The following PLPP3 variants were observed in gnomAD, a reference collection of about 807,000 sequenced individuals.
PLPP3 encodes the protein PAP2 beta.
A neutral mutation model predicts 29.6 loss-of-function variants in PLPP3; 6 were observed. That is an observed-to-expected ratio of 0.20 (90% CI 0.11 to 0.40). The LOEUF (loss-of-function observed/expected upper bound fraction) is 0.40. Ranked by LOEUF, PLPP3 falls within the 10% of genes least tolerant of loss-of-function variation. PLPP3 has a pLI of 1.00. For synonymous variants in PLPP3, 152 were observed against 159.7 expected (o/e 0.95, Z 0.36); for missense variants, 308 against 407.7 (o/e 0.76, Z 2.11).
At chr1:56,571,461 C>T (rs957133965) in intron 1 of PLPP3, among the ~76,000 whole-genome samples, 1 of 152,172 alleles carries the variant, frequency 6.6e-6, no homozygotes, top group African/African-American at 2.4e-5. Flanking sequence ...TCCCCTCACA[C>T]CTCTCTCCCT....
intron 1 of PLPP3, among the ~76,000 whole-genome samples, chr1:56,549,861 G>A (rs533550663): frequency 2.0e-5 from 3 of 152,326 alleles, no homozygotes; most frequent in South Asian, 4.1e-4. Flanking sequence ...AAAAATGGGC[G>A]GTGGGTTGGA....
chr1:56,577,860 G>A (rs535734703), intron 1 of PLPP3, among the ~76,000 whole-genome samples: 18 of 152,150 alleles, frequency 1.2e-4, no homozygotes, highest in African/African-American at 3.9e-4. Flanking sequence ...CACCCAGCAA[G>A]TGGCAAGAGT....
chr1:56,547,359 C>T (rs78186051), intron 1 of PLPP3, among the ~76,000 whole-genome samples: 2,125 of 152,258 alleles, frequency 0.014, 23 homozygotes, highest in East Asian at 0.021. Context: ...CTACCAAATA[C>T]ACTCTAGGAC....
intron 5 of PLPP3, among the ~76,000 whole-genome samples, chr1:56,505,683 T>A (rs1411102725): frequency 2.3e-4 from 35 of 152,226 alleles, no homozygotes; most frequent in Admixed American, 2.3e-3. Context: ...CTAGCTTACT[T>A]TATTGTAAGA....
intron 1 of PLPP3, among the ~76,000 whole-genome samples, chr1:56,551,901 G>A (rs1373670983): frequency 6.6e-6 from 1 of 152,132 alleles, no homozygotes; most frequent in Non-Finnish European, 1.5e-5. Flanking sequence ...CAAACCTGAT[G>A]CCAAGTCCTA....
intron 1 of PLPP3, among the ~76,000 whole-genome samples, chr1:56,557,012 G>GAAGGAA (rs60511169): frequency 1.1e-4 from 1 of 9,098 alleles, no homozygotes; most frequent in African/African-American, 3.1e-4. Flanking sequence ...GAAAGAAAGA[G>GAAGGAA]AGAGAGAGAG....
intron 1 of PLPP3, among the ~76,000 whole-genome samples, chr1:56,550,639 TC>T (rs1484064506): frequency 2.0e-5 from 3 of 151,998 alleles, no homozygotes; most frequent in Non-Finnish European, 4.4e-5. Context: ...ATGCCCCTCC[TC>T]CCCTTGTAAC....
At chr1:56,555,772 T>A (rs887809322) in intron 1 of PLPP3, among the ~76,000 whole-genome samples, 4 of 152,158 alleles carry the variant, frequency 2.6e-5, no homozygotes, top group South Asian at 4.1e-4. Context: ...GCCTCCCACA[T>A]CGCTGGGGAT....
In PLPP3 at chr1:56,552,177, G is replaced by C. The variant is rs185333010; in HGVS notation, c.140-15065C>G. 2.7e-3 allele frequency among the ~76,000 whole-genome samples: 411 copies of C among 150,732 alleles called. 4 individuals are homozygous for C. Among genetic ancestry groups the C allele is most frequent in the African/African-American group, 9.4e-3 (386 of 40,980 alleles). On this transcript the variant is annotated intron_variant, in intron 1 of 5. Transcript: ENST00000371250. ...AATGTAAAATTGGGGATTATCCTCTGGACAGTGATTTTCAGATTTAGCCAT... is the reference window on the plus strand; with the variant it reads ...AATGTAAAATTGGGGATTATCCTCTCGACAGTGATTTTCAGATTTAGCCAT...
intron 4 of PLPP3, among the ~76,000 whole-genome samples, chr1:56,518,262 C>T (rs1308089192): frequency 6.6e-6 from 1 of 152,150 alleles, no homozygotes. Context: ...CGTGGGCATA[C>T]CAGACCCTAG....
intron 2 of PLPP3, among the ~76,000 whole-genome samples, chr1:56,533,771 A>C (rs2100262307): frequency 1.3e-5 from 2 of 152,350 alleles, no homozygotes; most frequent in Middle Eastern, 6.8e-3. Flanking sequence ...TTTATAGAAA[A>C]GCAAAGTATA....
intron 1 of PLPP3, among the ~76,000 whole-genome samples, chr1:56,539,973 C>A (rs1242139666): frequency 3.3e-5 from 5 of 152,132 alleles, no homozygotes; most frequent in Non-Finnish European, 5.9e-5. Flanking sequence ...CATTTGCACT[C>A]CACTCTCAGA....
intron 4 of PLPP3, among the ~76,000 whole-genome samples, chr1:56,518,715 TTA>T (rs145573744): frequency 0.015 from 1,847 of 126,566 alleles, 94 homozygotes; most frequent in African/African-American, 0.048. Context: ...TTTTAATCAT[TTA>T]TATATATATA....
At chr1:56,509,611 G>A (rs1261414) in intron 5 of PLPP3, among the ~76,000 whole-genome samples, 28,902 of 151,944 alleles carry the variant, frequency 0.19, 2,973 homozygotes, top group Middle Eastern at 0.26. Context: ...AGGCTGAGGC[G>A]GGCGGATCAC....
At chr1:56,560,637 T>C (rs1161799772) in intron 1 of PLPP3, among the ~76,000 whole-genome samples, 1 of 152,156 alleles carries the variant, frequency 6.6e-6, no homozygotes, top group African/African-American at 2.4e-5. Flanking sequence ...TCTGCCCTCA[T>C]GACCTAATTA....
chr1:56,524,532 C>G lies in PLPP3; in HGVS notation c.320G>C (p.Arg107Pro), dbSNP rs1243496213. Residue 107 changes from arginine (R) to proline (P), a missense_variant, in exon 3 of 6, where the codon CGG (arginine) becomes CCG (proline). Physicochemically the swap from Arg to Pro is moderately radical, Grantham distance 103 (BLOSUM62 -2). Transcript: ENST00000371250. The surrounding 1 kb of genome is among the most constrained non-coding windows in gnomAD (Gnocchi z 4.3). ...ILAIITGEFY[R>P]IYYLKKSRST... Reference sequence around the variant, plus strand: ...CCGCGACTTCTTCAGGTAATAGATCCGGTAGAATTCCCCCGTGATGATCTA... The same window carrying G: ...CCGCGACTTCTTCAGGTAATAGATCGGGTAGAATTCCCCCGTGATGATCTA... 6.2e-7 allele frequency: 1 copy of G among 1,610,282 alleles called. No individual in the cohort carries two copies. The highest frequency in any genetic ancestry group is 1.3e-5 in the African/African-American group (1 of 74,820).
In PLPP3 at chr1:56,524,294, G is replaced by C. The variant is rs756131844; in HGVS notation, c.558C>G (p.Ser186Arg). The C allele has an allele frequency of 6.2e-7, 1 of 1,613,692 alleles. No homozygotes were observed. The highest frequency in any genetic ancestry group is 2.2e-5 in the East Asian group (1 of 44,874). ...TGTCTCACCTGGCTTCCTGGACTTT[G>C]CTGTCATCACCTCTGCATCTGTAGT... ...IQNYRCRGDD[S>R]KVQEARKSFF... Residue 186 changes from serine (S) to arginine (R), a missense_variant, in exon 3 of 6, where the codon AGC becomes AGG. Transcript: ENST00000371250. This position sits in a 1 kb window ranked among gnomAD's most constrained non-coding sequence, Gnocchi z 4.3.
chr1:56,496,325 T>G lies in PLPP3; in HGVS notation c.*226A>C. On this transcript the variant is annotated 3_prime_UTR_variant, in exon 6 of 6. Coordinates refer to ENST00000371250, the MANE Select transcript of PLPP3 (RefSeq NM_003713.5). ...CTAGAACATGAACACTTAAACCAAT[T>G]GCACATCCAGGACTCTGGCACTTGG... is the stretch of plus-strand genomic sequence containing the variant. The G allele has an allele frequency of 2.3e-6, 1 of 442,556 alleles. No homozygotes were observed. Among genetic ancestry groups the G allele is most frequent in the South Asian group, 2.5e-5 (1 of 40,288 alleles). 27.4% of individuals were successfully genotyped at this position (442,556 alleles called of 1,614,324 possible).
intron 1 of PLPP3, among the ~76,000 whole-genome samples, chr1:56,556,691 A>G (rs544006823): frequency 2.2e-4 from 33 of 151,994 alleles, no homozygotes; most frequent in African/African-American, 7.2e-4. Flanking sequence ...GGAAAGGCCA[A>G]ATTTAAAAAC....
Sources: gnomAD v4.1 joint callset for allele counts (sites outside exome capture counted in the v4.1 genomes callset) on GRCh38, gnomAD v4.1.1 for gene constraint, Gnocchi (gnomAD v3.1) non-coding constraint, MANE v1.5 for transcripts, NCBI Gene and HGNC (gene_info 2026-07-23, HGNC 2026-07-21) for gene names.